Variants in AVPI1 observed in about 807,000 individuals in gnomAD.
AVPI1 encodes the protein arginine vasopressin induced 1, also known as arginine vasopressin-induced protein 1.
A neutral mutation model predicts 11.9 loss-of-function variants in AVPI1; 9 were observed. The observed-to-expected ratio is 0.76, with a 90% confidence interval of 0.46 to 1.32. The LOEUF (loss-of-function observed/expected upper bound fraction) is 1.32, where lower values mean the gene tolerates loss of function less well. Among genes scored for constraint, AVPI1 ranks in the 40% most tolerant of loss-of-function variants. The pLI is 0.00. For missense variants in AVPI1, 207 were observed against 195.8 expected (o/e 1.06, Z -0.34); for synonymous variants, 68 against 78.1 (o/e 0.87, Z 0.68).
chr10:97,681,267 G>A (rs959371832), intron 1 of AVPI1, among the ~76,000 whole-genome samples: 2 of 152,288 alleles, frequency 1.3e-5, no homozygotes, highest in Admixed American at 6.5e-5. Context: ...TACCCAATAA[G>A]AGGATAAATA....
At chr10:97,683,298 C>T (rs767406774) in intron 1 of AVPI1, among the ~76,000 whole-genome samples, 26 of 152,174 alleles carry the variant, frequency 1.7e-4, no homozygotes, top group Admixed American at 1.3e-3. Flanking sequence ...GCTGGGATTA[C>T]AGGCGTCCCC....
intron 1 of AVPI1, among the ~76,000 whole-genome samples, chr10:97,686,198 G>A (rs1276782487): frequency 1.3e-5 from 2 of 152,162 alleles, no homozygotes; most frequent in East Asian, 3.8e-4. Context: ...GTTTGTGACG[G>A]CATTCCTTCT....
rs367737358 is a variant in AVPI1, at chr10:97,677,858, C to T, written c.*11G>A. 14 of 1,613,644 alleles carry T rather than the reference C, an allele frequency of 8.7e-6. No individual in the cohort carries two copies. The East Asian group carries it at 2.7e-4, about 31-fold the overall frequency. ...AGGGAAGACACTGCCATTCCTGGCT[C>T]TTTCCCTGGATCAGTGTCTGATCTG... is the stretch of plus-strand genomic sequence containing the variant. On this transcript the variant is annotated 3_prime_UTR_variant, in exon 3 of 3. Transcript: ENST00000370626.
At chr10:97,685,774 G>A (rs1293822306) in intron 1 of AVPI1, among the ~76,000 whole-genome samples, 2 of 152,164 alleles carry the variant, frequency 1.3e-5, no homozygotes, top group Non-Finnish European at 2.9e-5. Flanking sequence ...GAGACAACTG[G>A]ATATACATTG....
rs1564779926 is a variant in AVPI1 at position 97,678,955 on chromosome 10, G to GACAGGA, written c.287+663_287+664insTCCTGT. On this transcript the variant is annotated intron_variant, in intron 2 of 2. Coordinates refer to ENST00000370626, the MANE Select transcript of AVPI1 (RefSeq NM_021732.3). ...TGTGTGTGTGTGTGTGTGTGTGTGT[G>GACAGGA]TGTGTGTGTGTGTGTGTGTGTGTGT... is the stretch of plus-strand genomic sequence containing the variant. 2.3e-3 allele frequency among the ~76,000 whole-genome samples: 133 copies of GACAGGA among 57,632 alleles called. 12 individuals are homozygous for GACAGGA. Among genetic ancestry groups the GACAGGA allele is most frequent in the South Asian group, 6.1e-3 (10 of 1,628 alleles). The allele number at this position is 57,632 out of a possible 152,430, so 37.8% of individuals were successfully genotyped here. A position where few individuals can be genotyped will look rare whatever the true frequency, so the allele number is the denominator to read the frequency against.
Position 97,679,742 on chromosome 10 carries a change from G to A in AVPI1, c.164C>T (p.Ala55Val). ...CCCTGCACATTCCCAGATGATCTGT[G>A]CCCGTTCCTCGGCCAGCTGGTCCCC... The part of the protein sequence containing the change: ...RSGDQLAEER[A>V]QIIWECAGDH... The change falls in exon 2 of 3, where the codon GCA becomes GTA. Residue 55 changes from alanine (A) to valine (V), a missense_variant. By Grantham distance (64) the Ala-to-Val change is moderately conservative (BLOSUM62 0). Coordinates refer to ENST00000370626, the MANE Select transcript of AVPI1 (RefSeq NM_021732.3). The A allele has an allele frequency of 3.1e-6, 5 of 1,614,146 alleles. No homozygotes were observed. The highest frequency in any genetic ancestry group is 4.2e-6 in the Non-Finnish European group (5 of 1,180,034).
intron 1 of AVPI1, 149 bp from the exon 2 acceptor site, chr10:97,680,064 T>A: frequency 4.0e-6 from 3 of 745,566 alleles, no homozygotes; most frequent in Non-Finnish European, 6.4e-6. Context: ...TAAGCACTTA[T>A]GTGTCAGACC....
intron 2 of AVPI1, among the ~76,000 whole-genome samples, chr10:97,678,871 CG>C (rs949492548): frequency 3.0e-5 from 3 of 101,072 alleles, no homozygotes; most frequent in African/African-American, 8.0e-5. Flanking sequence ...TTTTTTTTGG[CG>C]GGGGGAGGGT....
In AVPI1 at chr10:97,679,780, CAG is replaced by C. The variant is rs2041693596; in HGVS notation, c.124_125del (p.Leu42ValfsTer27). 6.2e-7 allele frequency: 1 copy of C among 1,614,054 alleles called. No homozygotes were observed. The highest frequency in any genetic ancestry group is 8.5e-7 in the Non-Finnish European group (1 of 1,180,020). On this transcript the variant is annotated frameshift_variant, in exon 2 of 3. Coordinates refer to ENST00000370626, the MANE Select transcript of AVPI1 (RefSeq NM_021732.3). LOFTEE classifies it high-confidence loss of function. ...QDAELLQIQA[L>X]FQRSGDQLAE... is the part of the protein sequence containing the mutation. ...CCAGCTGGTCCCCGCTGCGTTGAAA[CAG>C]GGCTTGGATCTGCAGCAGCTCGGCG...
intron 2 of AVPI1, among the ~76,000 whole-genome samples, chr10:97,678,682 C>CTT (rs147107018): frequency 1.1e-5 from 1 of 87,116 alleles, no homozygotes; most frequent in African/African-American, 7.1e-5. Flanking sequence ...TTTAATTAGG[C>CTT]TTAAAAAAAA....
chr10:97,678,880 GGT>G (rs1255604041), intron 2 of AVPI1, among the ~76,000 whole-genome samples: 2 of 113,444 alleles, frequency 1.8e-5, no homozygotes, highest in Admixed American at 9.8e-5. Flanking sequence ...GCGGGGGGAG[GGT>G]GTGTGTGTGT....
At chr10:97,683,377 T>C (rs1166274012) in intron 1 of AVPI1, among the ~76,000 whole-genome samples, 1 of 152,242 alleles carries the variant, frequency 6.6e-6, no homozygotes, top group African/African-American at 2.4e-5. Context: ...CAGGCTGGTC[T>C]TGAACTCCTG....
Position 97,679,886 on chromosome 10 carries a change from A to G in AVPI1, c.20T>C (p.Val7Ala). 6.3e-7 allele frequency: 1 copy of G among 1,585,042 alleles called. No homozygotes were observed. The highest frequency in any genetic ancestry group is 2.3e-5 in the East Asian group (1 of 44,164). Residue 7 changes from valine (V) to alanine (A), a missense_variant, in exon 2 of 3, where the codon GTG (valine) becomes GCG (alanine). By Grantham distance (64) the Val-to-Ala change is moderately conservative. Transcript: ENST00000370626. The part of the protein sequence containing the change: MGTPAS[V>A]VSEPPPWQAP... ...CTGCCAAGGGGGTGGCTCACTGACC[A>G]CCGAGGCTGGGGTACCCATTGTGGA...
In AVPI1 at chr10:97,678,027, T is replaced by C. The variant is rs764044933; in HGVS notation, c.288-2A>G. 4 of 1,613,512 alleles carry C rather than the reference T, an allele frequency of 2.5e-6. No individual in the cohort carries two copies. The highest frequency in any genetic ancestry group is 3.4e-6 in the Non-Finnish European group (4 of 1,179,622). The stretch of plus-strand genomic sequence containing the variant: ...AGTGCAGAGTGGGGCTCCAGGATTC[T>C]GCAGAGAACAAGTGTATGATTAGCC... On this transcript the variant is annotated splice_acceptor_variant, in intron 2 of 2. Transcript: ENST00000370626. LOFTEE classifies it high-confidence loss of function.
intron 1 of AVPI1, among the ~76,000 whole-genome samples, chr10:97,685,481 G>C (rs532757662): frequency 9.6e-4 from 146 of 152,324 alleles, no homozygotes; most frequent in African/African-American, 3.4e-3. Flanking sequence ...GAACACATTT[G>C]GGTGAGCTGG....
rs1179212502 is a variant in AVPI1, at chr10:97,679,897, G to T, written c.9C>A (p.Thr3=). The change falls in exon 2 of 3, where the codon ACC becomes ACA. Residue 3 remains threonine (T), a synonymous_variant. Coordinates refer to ENST00000370626, the MANE Select transcript of AVPI1 (RefSeq NM_021732.3). ...GTGGCTCACTGACCACCGAGGCTGG[G>T]GTACCCATTGTGGATGCTCTGAGGA... MG[T]PASVVSEPPP... is the part of the protein sequence containing the mutation. 1 of 1,576,166 alleles carries T rather than the reference G, an allele frequency of 6.3e-7. No homozygotes were observed. Among genetic ancestry groups the T allele is most frequent in the South Asian group, 1.1e-5 (1 of 87,190 alleles).
chr10:97,678,792 ATCC>A (rs964315889), intron 2 of AVPI1, among the ~76,000 whole-genome samples: 11 of 150,982 alleles, frequency 7.3e-5, no homozygotes, highest in Middle Eastern at 3.5e-3. Flanking sequence ...GCCTCAAGTG[ATCC>A]TCCTACCTCA....
At chr10:97,678,598 T>C (rs1052586369) in intron 2 of AVPI1, among the ~76,000 whole-genome samples, 2 of 151,998 alleles carry the variant, frequency 1.3e-5, no homozygotes, top group African/African-American at 4.8e-5. Flanking sequence ...GTAAAAGTTT[T>C]CAACAATTTT....
intron 1 of AVPI1, 86 bp from the exon 2 acceptor site, chr10:97,680,001 GT>G: frequency 7.8e-7 from 1 of 1,278,156 alleles, no homozygotes; most frequent in Non-Finnish European, 1.0e-6. Context: ...GGCTTCTGAT[GT>G]TTCCATTCTC....
Sources: gnomAD v4.1 joint callset for allele counts (sites outside exome capture counted in the v4.1 genomes callset) on GRCh38, gnomAD v4.1.1 for gene constraint, MANE v1.5 for transcripts, NCBI Gene and HGNC (gene_info 2026-07-23, HGNC 2026-07-21) for gene names.